CREB5: variants seen among roughly 807,000 people sequenced by gnomAD.
CREB5 encodes the protein cAMP responsive element binding protein 5, also known as cyclic AMP-responsive element-binding protein 5.
Under a neutral mutation model 57.1 loss-of-function variants are expected in CREB5, and 19 were observed. The observed-to-expected ratio is 0.33, with a 90% CI of 0.23 to 0.49. The LOEUF (loss-of-function observed/expected upper bound fraction) is 0.49, where lower values mean the gene tolerates loss of function less well. Among genes scored for constraint, CREB5 ranks in the 20% least tolerant of loss-of-function variants. CREB5 has a pLI of 0.99. For synonymous variants in CREB5, 238 were observed against 238.3 expected (o/e 1.00, Z 0.01); for missense variants, 579 against 671.6 (o/e 0.86, Z 1.52).
At chr7:28,804,709 A>G (rs1422837914) in intron 8 of CREB5, among the ~76,000 whole-genome samples, 187 bp downstream of exon 8, 17 of 152,200 alleles carry the variant, frequency 1.1e-4, no homozygotes, top group Admixed American at 1.1e-3. Context: ...CATAATTTCT[A>G]TAAATAATAC....
At chr7:28,383,052 T>C (rs1402747778) in intron 1 of CREB5, among the ~76,000 whole-genome samples, 1 of 151,362 alleles carries the variant, frequency 6.6e-6, no homozygotes, top group East Asian at 1.9e-4. Flanking sequence ...CACTGTAGAG[T>C]GTTGAGTGAG....
At chr7:28,516,013 G>A (rs1018512342) in intron 4 of CREB5, among the ~76,000 whole-genome samples, 12 of 151,870 alleles carry the variant, frequency 7.9e-5, no homozygotes, top group African/African-American at 2.7e-4. Flanking sequence ...TTTAAGATTA[G>A]CCTTGGCAAC....
chr7:28,675,366 C>T (rs912681769), intron 5 of CREB5, among the ~76,000 whole-genome samples: 3 of 152,126 alleles, frequency 2.0e-5, no homozygotes, highest in African/African-American at 7.2e-5. Context: ...AAAACACAGC[C>T]CCCAGCATCT....
chr7:28,315,716 T>A (rs761751114), intron 1 of CREB5, among the ~76,000 whole-genome samples: 9 of 152,252 alleles, frequency 5.9e-5, no homozygotes, highest in African/African-American at 9.6e-5. Flanking sequence ...CCTTCCTGTG[T>A]GGACTTGCCT....
At chr7:28,516,997 G>A (rs1792989628) in intron 4 of CREB5, among the ~76,000 whole-genome samples, 1 of 152,140 alleles carries the variant, frequency 6.6e-6, no homozygotes, top group African/African-American at 2.4e-5. Context: ...CCTCCGCGAG[G>A]CCCTGCATTA....
At chr7:28,455,968 A>AAGTGTT (rs1279083512) in intron 1 of CREB5, among the ~76,000 whole-genome samples, 2 of 152,190 alleles carry the variant, frequency 1.3e-5, no homozygotes, top group African/African-American at 4.8e-5. Flanking sequence ...ATTGTCTGAG[A>AAGTGTT]AGTGTTACTG....
intron 5 of CREB5, among the ~76,000 whole-genome samples, chr7:28,647,967 T>C (rs1024519866): frequency 2.6e-5 from 4 of 152,134 alleles, no homozygotes; most frequent in African/African-American, 7.2e-5. Flanking sequence ...TTAAGCTCAA[T>C]TTGAATTTGA....
intron 4 of CREB5, among the ~76,000 whole-genome samples, chr7:28,545,519 A>C (rs562544285): frequency 1.3e-4 from 20 of 152,328 alleles, no homozygotes; most frequent in Admixed American, 1.3e-3. Flanking sequence ...GGGGTGTTAC[A>C]TCTGGGTCAT....
At chr7:28,565,499 A>C (rs1406771847) in intron 4 of CREB5, among the ~76,000 whole-genome samples, 2 of 152,258 alleles carry the variant, frequency 1.3e-5, no homozygotes, top group Non-Finnish European at 2.9e-5. Flanking sequence ...AAATAAGGAT[A>C]GTAATGCCTA....
intron 5 of CREB5, among the ~76,000 whole-genome samples, chr7:28,680,088 G>A (rs1800513807): frequency 6.6e-6 from 1 of 152,098 alleles, no homozygotes; most frequent in Admixed American, 6.5e-5. Context: ...ACATTTAAGG[G>A]GGCAATTATT....
In CREB5 at chr7:28,819,226, T is replaced by C. The variant is rs1163323912; in HGVS notation, c.1474T>C (p.Ser492Pro). 6.2e-7 allele frequency: 1 copy of C among 1,613,822 alleles called. No individual in the cohort carries two copies. Among genetic ancestry groups the C allele is most frequent in the Non-Finnish European group, 8.5e-7 (1 of 1,179,872 alleles). Reference sequence around the variant, plus strand: ...ATCGGTCAGCGAGGTGGTAGGAAGCTCCACCCTCAGCCAGCTCACCACTCA... The same window carrying C: ...ATCGGTCAGCGAGGTGGTAGGAAGCCCCACCCTCAGCCAGCTCACCACTCA... ...SSSVSEVVGS[S>P]TLSQLTTHRT... Residue 492 changes from serine (S) to proline (P), a missense_variant, in exon 11 of 11, where the codon TCC (serine) becomes CCC (proline). Ser to Pro is a moderately conservative substitution (Grantham distance 74). Around this residue, in one of 3 missense-constraint regions of CREB5, gnomAD observed 114 missense variants for 130.8 expected, o/e 0.87. Transcript: ENST00000357727.
intron 5 of CREB5, among the ~76,000 whole-genome samples, chr7:28,642,197 A>T (rs942733501): frequency 6.6e-6 from 1 of 152,218 alleles, no homozygotes; most frequent in African/African-American, 2.4e-5. Context: ...AGTCTTGTTC[A>T]TTGACATAAA....
chr7:28,419,972 G>A (rs1788177216), intron 1 of CREB5, among the ~76,000 whole-genome samples: 1 of 152,176 alleles, frequency 6.6e-6, no homozygotes. Context: ...CCATGAAGCA[G>A]CATGTAATTT....
intron 5 of CREB5, among the ~76,000 whole-genome samples, chr7:28,689,508 T>A (rs1287819569): frequency 6.6e-6 from 1 of 152,180 alleles, no homozygotes; most frequent in Non-Finnish European, 1.5e-5. Flanking sequence ...CCATGTATTC[T>A]TTGCCCAGTT....
chr7:28,744,186 T>C (rs1804560105), intron 7 of CREB5, among the ~76,000 whole-genome samples: 1 of 150,430 alleles, frequency 6.6e-6, no homozygotes, highest in Non-Finnish European at 1.5e-5. Context: ...GAACTCATCA[T>C]TTTTTATGGC....
intron 4 of CREB5, among the ~76,000 whole-genome samples, chr7:28,531,206 C>CTCTTAA (rs1314577639): frequency 1.5e-4 from 23 of 152,006 alleles, no homozygotes; most frequent in African/African-American, 4.8e-4. Flanking sequence ...TTCCCCATGG[C>CTCTTAA]TTCGGTAATA....
chr7:28,430,963 C>A (rs1788686872), intron 1 of CREB5, among the ~76,000 whole-genome samples: 1 of 152,146 alleles, frequency 6.6e-6, no homozygotes, highest in African/African-American at 2.4e-5. Flanking sequence ...TGATCCACAC[C>A]AAGCTCACTT....
chr7:28,735,108 G>GT (rs970728484), intron 7 of CREB5, among the ~76,000 whole-genome samples: 68 of 111,210 alleles, frequency 6.1e-4, no homozygotes, highest in Non-Finnish European at 4.6e-4. Flanking sequence ...AATCGTTTTG[G>GT]TTTTTTTTGT....
At chr7:28,740,225 A>G (rs1804257166) in intron 7 of CREB5, among the ~76,000 whole-genome samples, 1 of 152,174 alleles carries the variant, frequency 6.6e-6, no homozygotes, top group Non-Finnish European at 1.5e-5. Flanking sequence ...ATCGAATGAA[A>G]TTGTCAGGAA....
Sources: gnomAD v4.1 joint callset for allele counts (sites outside exome capture counted in the v4.1 genomes callset) on GRCh38, gnomAD v4.1.1 for gene constraint, gnomAD v4.1.1 regional missense constraint, MANE v1.5 for transcripts, NCBI Gene and HGNC (gene_info 2026-07-23, HGNC 2026-07-21) for gene names.